Variants in KRABD4 observed in about 807,000 individuals in gnomAD.
KRABD4 encodes KRAB domain-containing protein 4.
the KRABD4 span, among the ~76,000 whole-genome samples, chrX:46,460,417 CA>C: frequency 0.057 from 4,300 of 74,864 alleles, 85 homozygotes; most frequent in African/African-American, 0.1. Flanking sequence ...AACTCAGTCT[CA>C]AAAAAAAAAA....
the KRABD4 span, chrX:46,472,424 A>T: frequency 9.0e-6 from 2 of 221,794 alleles, no homozygotes; most frequent in Non-Finnish European, 1.6e-5. Flanking sequence ...TTAGAGCCTT[A>T]GTCCCCCAAC....
chrX:46,463,769 A>C, the KRABD4 span, among the ~76,000 whole-genome samples: 2 of 108,395 alleles, frequency 1.8e-5, no homozygotes, highest in Non-Finnish European at 3.8e-5. Context: ...AGATTATCGT[A>C]CCTGTTTTTT....
the KRABD4 span, chrX:46,457,003 A>T: frequency 6.7e-6 from 2 of 300,373 alleles, no homozygotes; most frequent in Admixed American, 6.2e-5. Context: ...AGTGGAGTTT[A>T]TGTTCACCGA....
At chrX:46,447,565 G>C in the KRABD4 span, among the ~76,000 whole-genome samples, 19 of 107,372 alleles carry the variant, frequency 1.8e-4, no homozygotes, top group Admixed American at 1.7e-3. Context: ...GAGACCCGCA[G>C]GCCTGTGGGC....
At chrX:46,457,623 G>GTTTT in the KRABD4 span, among the ~76,000 whole-genome samples, 97 of 75,032 alleles carry the variant, frequency 1.3e-3, no homozygotes, top group East Asian at 1.4e-3. Flanking sequence ...GCCTTTCAGA[G>GTTTT]TTTTTTTTTT....
the KRABD4 span, chrX:46,448,743 A>G: frequency 8.9e-6 from 1 of 112,882 alleles, no homozygotes; most frequent in Non-Finnish European, 1.9e-5. Context: ...GAAGGATCAC[A>G]GCCAGCCACA....
chrX:46,472,939 C>A, the KRABD4 span: 1 of 1,211,189 alleles, frequency 8.3e-7, no homozygotes, highest in African/African-American at 1.7e-5. Flanking sequence ...AAATATTATT[C>A]GTGGGAAAAG....
the KRABD4 span, among the ~76,000 whole-genome samples, chrX:46,457,390 G>A: frequency 8.9e-6 from 1 of 111,743 alleles, no homozygotes; most frequent in African/African-American, 3.3e-5. Flanking sequence ...GATATGCAAA[G>A]GATTCATATA....
chrX:46,456,124 G>T, the KRABD4 span: 2 of 279,547 alleles, frequency 7.2e-6, no homozygotes, highest in Non-Finnish European at 1.3e-5. Flanking sequence ...CACTTTCAGA[G>T]TTCAGGGGGT....
chrX:46,457,148 G>T, the KRABD4 span: 1 of 300,869 alleles, frequency 3.3e-6, no homozygotes, highest in South Asian at 8.9e-5. Context: ...TGTAAGTACT[G>T]ATAAAGCGGA....
the KRABD4 span, chrX:46,462,367 G>A: frequency 7.9e-5 from 15 of 190,102 alleles, no homozygotes; most frequent in Admixed American, 1.3e-4. Context: ...AAAATTAGCC[G>A]GGCGTGGTGG....
the KRABD4 span, among the ~76,000 whole-genome samples, chrX:46,466,228 TTGA>T: frequency 1.8e-5 from 2 of 112,381 alleles, no homozygotes; most frequent in Non-Finnish European, 3.8e-5. Context: ...TTCTGTTTTA[TTGA>T]TTTCTCCTTT....
chrX:46,464,526 C>G, the KRABD4 span, among the ~76,000 whole-genome samples: 2 of 112,486 alleles, frequency 1.8e-5, no homozygotes, highest in Non-Finnish European at 3.8e-5. Context: ...GAACCCACTC[C>G]TCAGCACACA....
At chrX:46,468,092 T>G in the KRABD4 span, among the ~76,000 whole-genome samples, 1 of 112,123 alleles carries the variant, frequency 8.9e-6, no homozygotes, top group Non-Finnish European at 1.9e-5. Context: ...TGTTAATGAC[T>G]TAATTTTTGT....
the KRABD4 span, chrX:46,463,182 C>T: frequency 8.3e-7 from 1 of 1,202,426 alleles, no homozygotes; most frequent in Non-Finnish European, 1.1e-6. Context: ...AGTCCTATGT[C>T]ATTTCCCCCG....
At chrX:46,447,483 G>C in the KRABD4 span, 1 of 111,232 alleles carries the variant, frequency 9.0e-6, no homozygotes. Flanking sequence ...CCATCCTCCA[G>C]GCCACTTCCC....
chrX:46,454,939 A>G, the KRABD4 span: 1,055 of 202,831 alleles, frequency 5.2e-3, 14 homozygotes, highest in African/African-American at 0.03. Context: ...TTCTTCCAGT[A>G]TGGCCCAGGG....
At chrX:46,459,428 T>A in the KRABD4 span, among the ~76,000 whole-genome samples, 7 of 111,778 alleles carry the variant, frequency 6.3e-5, no homozygotes, top group Admixed American at 1.9e-4. Flanking sequence ...CATCAGCCAC[T>A]ACAAAACTAT....
chrX:46,457,636 T>G, the KRABD4 span, among the ~76,000 whole-genome samples: 1 of 108,425 alleles, frequency 9.2e-6, no homozygotes, highest in African/African-American at 3.4e-5. Flanking sequence ...TTTTTTTTTT[T>G]TTTTTTTTTA....
Sources: gnomAD v4.1 joint callset for allele counts (sites outside exome capture counted in the v4.1 genomes callset) on GRCh38, gnomAD v4.1.1 for gene constraint, MANE v1.5 for transcripts, NCBI Gene and HGNC (gene_info 2026-07-23, HGNC 2026-07-21) for gene names.